The following ATP2A2 variants were observed in gnomAD, a reference collection of about 807,000 sequenced individuals.
ATP2A2 encodes ATPase sarcoplasmic/endoplasmic reticulum Ca2+ transporting 2, also known as sarcoplasmic/endoplasmic reticulum calcium ATPase 2.
A neutral mutation model predicts 109.3 loss-of-function variants in ATP2A2; 14 were observed. The ratio of observed to expected loss-of-function variants is 0.13; its 90% confidence interval spans 0.08 to 0.20. The LOEUF is 0.20. Ranked by LOEUF, ATP2A2 falls within the 10% of genes least tolerant of loss-of-function variation. The pLI, the probability that ATP2A2 is intolerant of heterozygous loss-of-function variation, is 1.00. For missense variants in ATP2A2, 657 were observed against 1,321.6 expected (o/e 0.50, Z 7.80); for synonymous variants, 506 against 490.9 (o/e 1.03, Z -0.41).
chr12:110,346,104 G>T lies in ATP2A2; in HGVS notation c.2845G>T (p.Val949Phe), dbSNP rs749089927. Reference sequence around the variant, plus strand: ...GTCACTCCACTTCCTGATCCTCTATGTCGAACCCTTGCCAGTAAGTGGTTG... The same window carrying T: ...GTCACTCCACTTCCTGATCCTCTATTTCGAACCCTTGCCAGTAAGTGGTTG... ...SMSLHFLILY[V>F]EPLPLIFQIT... The change falls in exon 19 of 20, where the codon GTC (valine) becomes TTC (phenylalanine). Residue 949 changes from valine (V) to phenylalanine (F), a missense_variant. By Grantham distance (50) the Val-to-Phe change is conservative. Around this residue, in one of 9 missense-constraint regions of ATP2A2, gnomAD observed 125 missense variants for 243.5 expected, o/e 0.51. Transcript: ENST00000539276. The T allele has an allele frequency of 1.2e-6, 2 of 1,614,144 alleles. No individual in the cohort carries two copies. Among genetic ancestry groups the T allele is most frequent in the Non-Finnish European group, 1.7e-6 (2 of 1,180,040 alleles).
intron 11 of ATP2A2, among the ~76,000 whole-genome samples, chr12:110,337,616 C>T (rs141510570): frequency 1.1e-4 from 16 of 152,312 alleles, no homozygotes; most frequent in African/African-American, 2.2e-4. Context: ...TCAGTCCTCC[C>T]GTAGCTTCCT....
At position 110,325,632 on chromosome 12, in the gene ATP2A2, A is replaced by C. The variant is rs111501793; in HGVS notation, c.545-758A>C. 2.6e-3 allele frequency among the ~76,000 whole-genome samples: 399 copies of C among 152,222 alleles called. 2 individuals carry two copies. The highest frequency in any genetic ancestry group is 8.6e-3 in the African/African-American group (359 of 41,544). ...AACAAAGCAAGACTCCGTCTCAAAA[A>C]AAAAAAAAAAGTAGTTCTTTATTTA... On this transcript the variant is annotated intron_variant, in intron 6 of 19. Transcript: ENST00000539276.
Position 110,344,952 on chromosome 12 carries a change from G to C in ATP2A2, c.2588G>C (p.Arg863Thr). The C allele has an allele frequency of 6.2e-7, 1 of 1,614,196 alleles. No individual in the cohort carries two copies. Among genetic ancestry groups the C allele is most frequent in the Non-Finnish European group, 8.5e-7 (1 of 1,180,026 alleles). The change falls in exon 17 of 20, where the codon AGA (arginine) becomes ACA (threonine). Residue 863 changes from arginine to threonine, a missense_variant. Coordinates refer to ENST00000539276, the MANE Select transcript of ATP2A2 (RefSeq NM_170665.4). ...TTCATTGCTGCTGACGGTGGTCCAA[G>C]AGTGTCCTTCTACCAGCTGGTACTC... The part of the protein sequence containing the change: ...WWFIAADGGP[R>T]VSFYQLSHFL...
chr12:110,304,167 GT>G (rs1316081018), intron 5 of ATP2A2, among the ~76,000 whole-genome samples: 1 of 152,154 alleles, frequency 6.6e-6, no homozygotes, highest in African/African-American at 2.4e-5. Flanking sequence ...GCTGAATAAT[GT>G]TTATTAGTTG....
chr12:110,337,704 C>A (rs1878967940), intron 11 of ATP2A2, among the ~76,000 whole-genome samples: 1 of 152,216 alleles, frequency 6.6e-6, no homozygotes, highest in Non-Finnish European at 1.5e-5. Context: ...ATAATTAACT[C>A]ACCACATTAA....
rs115349765 is a variant in ATP2A2, at chr12:110,332,291, A to G, written c.1096-306A>G. On this transcript the variant is annotated intron_variant, in intron 8 of 19. Transcript: ENST00000539276. ...CTGACCGGGAGTCCTCATAACTTGG[A>G]TTTTGTGTGGGTTGTTGTGTCTTTG... The G allele has an allele frequency of 7.7e-3, 3,020 of 393,004 alleles. 10 individuals are homozygous for G. The highest frequency in any genetic ancestry group is 9.0e-3 in the Non-Finnish European group (1,876 of 208,704). The allele number at this position is 393,004 out of a possible 1,614,324, so 24.3% of individuals were successfully genotyped here. A position where few individuals can be genotyped will look rare whatever the true frequency, so the allele number is the denominator to read the frequency against.
intron 6 of ATP2A2, 90 bp downstream of exon 6, chr12:110,323,162 T>C: frequency 2.1e-6 from 2 of 961,144 alleles, no homozygotes; most frequent in Non-Finnish European, 3.4e-6. Context: ...TGTCCCTTTA[T>C]GGTATCCCAT....
rs1231076758 is a variant in ATP2A2 at position 110,349,429 on chromosome 12, C to CT, written c.*2960dup. 1.0e-6 allele frequency: 1 copy of CT among 985,434 alleles called. No homozygotes were observed. Among genetic ancestry groups the CT allele is most frequent in the South Asian group, 4.7e-5 (1 of 21,296 alleles). The allele number at this position is 985,434 out of a possible 1,614,324, so 61.0% of individuals were successfully genotyped here. A position where few individuals can be genotyped will look rare whatever the true frequency, so the allele number is the denominator to read the frequency against. ...CCACCCCGTGCCTCCCTTGGCCTCTCTGAGCTTTGCCCAGAAGACCAACAA... is the reference window on the plus strand; with the variant it reads ...CCACCCCGTGCCTCCCTTGGCCTCTCTTGAGCTTTGCCCAGAAGACCAACAA... On this transcript the variant is annotated 3_prime_UTR_variant, in exon 20 of 20. Coordinates refer to ENST00000539276, the MANE Select transcript of ATP2A2 (RefSeq NM_170665.4).
intron 11 of ATP2A2, among the ~76,000 whole-genome samples, chr12:110,335,096 G>A (rs1296323684): frequency 6.6e-6 from 1 of 152,104 alleles, no homozygotes; most frequent in African/African-American, 2.4e-5. Flanking sequence ...CTATGACAAG[G>A]GCCAGTAGCA....
At position 110,282,718 on chromosome 12, in the gene ATP2A2, A is replaced by C; in HGVS notation, c.142A>C (p.Thr48Pro). Residue 48 changes from threonine (T) to proline (P), a missense_variant, in exon 3 of 20, where the codon ACC (threonine) becomes CCC (proline). Thr to Pro is a conservative substitution (Grantham distance 38). This residue lies in a region of ATP2A2 where 64 missense variants were observed against 65.4 expected (regional missense o/e 0.98). Transcript: ENST00000539276. ...CATGTGTTTGTTTCTTACAGGAAAA[A>C]CCTTGCTGGAACTTGTGATTGAGCA... Reference protein sequence around the residue: ...SNELPAEEGKTLLELVIEQFE... With the variant: ...SNELPAEEGKPLLELVIEQFE... 6.2e-7 allele frequency: 1 copy of C among 1,613,996 alleles called. No homozygotes were observed. The highest frequency in any genetic ancestry group is 8.5e-7 in the Non-Finnish European group (1 of 1,179,976).
Position 110,346,539 on chromosome 12 carries a change from C to CT in ATP2A2, c.*70dup. ...TTTTTTTATTGTTTAAAGCAACTGT[C>CT]TATTTCTGCTGAATTTTCACATGAA... On this transcript the variant is annotated 3_prime_UTR_variant, in exon 20 of 20. Transcript: ENST00000539276. 1.9e-6 allele frequency: 3 copies of CT among 1,591,140 alleles called. No homozygotes were observed. The highest frequency in any genetic ancestry group is 2.3e-5 in the East Asian group (1 of 43,440).
chr12:110,322,093 C>G (rs1446038945), intron 5 of ATP2A2, among the ~76,000 whole-genome samples: 1 of 151,498 alleles, frequency 6.6e-6, no homozygotes, highest in African/African-American at 2.4e-5. Flanking sequence ...CGGGTTCACG[C>G]CATTCTCCTG....
chr12:110,321,609 A>T, intron 5 of ATP2A2, among the ~76,000 whole-genome samples: 1 of 152,128 alleles, frequency 6.6e-6, no homozygotes, highest in Non-Finnish European at 1.5e-5. Context: ...AATTTTTTAT[A>T]TTTTTAGTAG....
chr12:110,350,223 T>G lies in ATP2A2; in HGVS notation c.*3753T>G. 1 of 1,614,094 alleles carries G rather than the reference T, an allele frequency of 6.2e-7. No homozygotes were observed. The highest frequency in any genetic ancestry group is 8.5e-7 in the Non-Finnish European group (1 of 1,180,004). ...TCTGTCGCTGTTGATCTTCATCTATTTAAATAGGTATTCTAACGTTTCCTC... is the reference window on the plus strand; with the variant it reads ...TCTGTCGCTGTTGATCTTCATCTATGTAAATAGGTATTCTAACGTTTCCTC... On this transcript the variant is annotated 3_prime_UTR_variant, in exon 20 of 20. Transcript: ENST00000539276.
chr12:110,331,346 T>C (rs1364270880), intron 8 of ATP2A2: 1 of 152,172 alleles, frequency 6.6e-6, no homozygotes, highest in Non-Finnish European at 1.5e-5. Flanking sequence ...AACATAGCTT[T>C]GTTGTTGCTG....
chr12:110,283,023 C>G (rs1872307884), intron 3 of ATP2A2, among the ~76,000 whole-genome samples: 1 of 152,098 alleles, frequency 6.6e-6, no homozygotes, highest in Non-Finnish European at 1.5e-5. Flanking sequence ...AGGAGTTGTC[C>G]CAGAGTGTGG....
chr12:110,346,116 C>T lies in ATP2A2; in HGVS notation c.2857C>T (p.Pro953Ser). ...CCTGATCCTCTATGTCGAACCCTTG[C>T]CAGTAAGTGGTTGGGTGGGGCTTGG... ...HFLILYVEPL[P>S]LIFQITPLNV... Residue 953 changes from proline (P) to serine (S), a missense_variant and splice_region_variant, in exon 19 of 20, where the codon CCA becomes TCA. This residue lies in a region of ATP2A2 where 125 missense variants were observed against 243.5 expected (regional missense o/e 0.51). Transcript: ENST00000539276. 1 of 1,614,188 alleles carries T rather than the reference C, an allele frequency of 6.2e-7. No individual in the cohort carries two copies. The highest frequency in any genetic ancestry group is 8.5e-7 in the Non-Finnish European group (1 of 1,180,040).
In ATP2A2 at chr12:110,339,479, T is replaced by G. The variant is rs372031809; in HGVS notation, c.1543-24T>G. 3 of 1,613,862 alleles carry G rather than the reference T, an allele frequency of 1.9e-6. No individual in the cohort carries two copies. The highest frequency in any genetic ancestry group is 2.7e-5 in the African/African-American group (2 of 74,894). On this transcript the variant is annotated intron_variant, in intron 12 of 19. Transcript: ENST00000539276. This position sits in a 1 kb window ranked among gnomAD's most constrained non-coding sequence, Gnocchi z 4.4. ...GGTGAACCAATAAAACAAAATTGTT[T>G]ATCTAAATCTGTAACATTTCCAGGG...
At chr12:110,323,957 A>G (rs752785360) in intron 6 of ATP2A2, among the ~76,000 whole-genome samples, 5 of 152,216 alleles carry the variant, frequency 3.3e-5, no homozygotes, top group East Asian at 1.9e-4. Context: ...TGTTGTATCA[A>G]TCTTTACAGT....
Sources: allele counts gnomAD v4.1 joint callset (sites outside exome capture counted in the v4.1 genomes callset), GRCh38; gene constraint gnomAD v4.1.1; regional missense constraint gnomAD v4.1.1; non-coding constraint Gnocchi (gnomAD v3.1); transcripts MANE v1.5; gene names NCBI Gene and HGNC (gene_info 2026-07-23, HGNC 2026-07-21).